The following RNLS variants were observed in gnomAD, a reference collection of about 807,000 sequenced individuals.
The protein encoded by RNLS is renalase, FAD dependent amine oxidase, also known as renalase.
Under a neutral mutation model 39.8 loss-of-function variants are expected in RNLS, and 39 were observed. The ratio of observed to expected loss-of-function variants is 0.98; its 90% CI spans 0.76 to 1.28. The LOEUF is 1.28. RNLS is among the 50% of genes most tolerant of loss of function. The pLI is 0.00. For synonymous variants in RNLS, 147 were observed against 150.7 expected, an observed-to-expected ratio of 0.98 and a Z score of 0.18; for missense variants, 410 against 413.3, an observed-to-expected ratio of 0.99 and a Z score of 0.07.
intron 6 of RNLS, among the ~76,000 whole-genome samples, chr10:88,314,020 A>C (rs1012446652): frequency 5.9e-5 from 9 of 152,208 alleles, no homozygotes; most frequent in Non-Finnish European, 1.3e-4. Context: ...AGTCAAAACC[A>C]AAGTGGAAAC....
chr10:88,515,017 T>G (rs1846335954), intron 4 of RNLS, among the ~76,000 whole-genome samples: 1 of 152,098 alleles, frequency 6.6e-6, no homozygotes, highest in Non-Finnish European at 1.5e-5. Context: ...GGTTCCAGTT[T>G]CTGCATATGT....
intron 4 of RNLS, among the ~76,000 whole-genome samples, chr10:88,549,327 G>C (rs1055944256): frequency 6.6e-6 from 1 of 152,018 alleles, no homozygotes; most frequent in Admixed American, 6.6e-5. Flanking sequence ...GGCCAAGGAA[G>C]GGGGATCACT....
At chr10:88,303,984 C>T (rs188659780) in intron 6 of RNLS, among the ~76,000 whole-genome samples, 106 of 152,340 alleles carry the variant, frequency 7.0e-4, no homozygotes, top group Non-Finnish European at 1.0e-3. Context: ...CTTGGTCCCA[C>T]CATCACAGTG....
chr10:88,539,793 C>CA (rs761622911), intron 4 of RNLS, among the ~76,000 whole-genome samples: 1 of 152,006 alleles, frequency 6.6e-6, no homozygotes, highest in Non-Finnish European at 1.5e-5. Flanking sequence ...AACATTTATA[C>CA]AAGTCAATCT....
At chr10:88,388,787 A>G (rs1432100389) in intron 4 of RNLS, among the ~76,000 whole-genome samples, 1 of 152,188 alleles carries the variant, frequency 6.6e-6, no homozygotes, top group Non-Finnish European at 1.5e-5. Flanking sequence ...ACTAGTAATC[A>G]AACTCCATTA....
intron 4 of RNLS, among the ~76,000 whole-genome samples, chr10:88,377,439 CAT>C (rs1457768131): frequency 6.6e-6 from 1 of 152,080 alleles, no homozygotes; most frequent in Admixed American, 6.6e-5. Flanking sequence ...ATGTGAATAT[CAT>C]AGAGAGTACT....
At chr10:88,553,256 G>C (rs556030514) in intron 4 of RNLS, among the ~76,000 whole-genome samples, 1 of 152,126 alleles carries the variant, frequency 6.6e-6, no homozygotes, top group Admixed American at 6.5e-5. Flanking sequence ...CAATATAAAA[G>C]AAAAATATAA....
At chr10:88,458,448 C>T (rs1288082061) in intron 4 of RNLS, among the ~76,000 whole-genome samples, 1 of 152,162 alleles carries the variant, frequency 6.6e-6, no homozygotes, top group Non-Finnish European at 1.5e-5. Flanking sequence ...ACATTCACAC[C>T]CACCCAATCT....
Position 88,573,532 on chromosome 10 carries a change from T to C in RNLS, c.368-471A>G, listed in dbSNP as rs17109077. ...CAATGAAATAAGAAGAGCAATATTC[T>C]CTATTAAAGGAATTAATATTTCCCA... On this transcript the variant is annotated intron_variant, in intron 3 of 6. Transcript: ENST00000331772. 3.8e-3 allele frequency among the ~76,000 whole-genome samples: 586 copies of C among 152,302 alleles called. 17 individuals are homozygous for C. Among genetic ancestry groups the C allele is most frequent in the Admixed American group, 0.03 (454 of 15,296 alleles).
intron 6 of RNLS, among the ~76,000 whole-genome samples, chr10:88,306,504 C>T (rs1284108383): frequency 2.0e-5 from 3 of 152,170 alleles, no homozygotes; most frequent in Non-Finnish European, 4.4e-5. Context: ...GATATTACCA[C>T]TGACCCTACA....
At chr10:88,190,030 T>C in the RNLS span, among the ~76,000 whole-genome samples, 1 of 152,210 alleles carries the variant, frequency 6.6e-6, no homozygotes, top group South Asian at 2.1e-4. Context: ...AGTGTGATCA[T>C]AGACGAGGGC....
intron 4 of RNLS, among the ~76,000 whole-genome samples, chr10:88,374,107 G>A (rs1267784985): frequency 6.6e-6 from 1 of 151,934 alleles, no homozygotes; most frequent in Non-Finnish European, 1.5e-5. Flanking sequence ...AACAATTATT[G>A]TTATTGTTGC....
intron 4 of RNLS, among the ~76,000 whole-genome samples, chr10:88,368,699 C>G (rs768458487): frequency 6.6e-6 from 1 of 151,956 alleles, no homozygotes; most frequent in Non-Finnish European, 1.5e-5. Flanking sequence ...TTTGGTTAAT[C>G]GTTTCATTAA....
At chr10:88,339,688 T>C (rs1847790716) in intron 5 of RNLS, among the ~76,000 whole-genome samples, 1 of 152,160 alleles carries the variant, frequency 6.6e-6, no homozygotes, top group African/African-American at 2.4e-5. Context: ...GATTGAGCAA[T>C]GTTGTTCTAG....
At chr10:88,580,689 T>G (rs1038807459) in intron 3 of RNLS, among the ~76,000 whole-genome samples, 3 of 152,126 alleles carry the variant, frequency 2.0e-5, no homozygotes, top group African/African-American at 7.2e-5. Context: ...AGGTTATGAA[T>G]AAGACATTCA....
chr10:88,210,555 G>T, the RNLS span, among the ~76,000 whole-genome samples: 3 of 152,126 alleles, frequency 2.0e-5, no homozygotes, highest in Non-Finnish European at 4.4e-5. Context: ...TGGGCATTTT[G>T]TCCCTCCTCT....
intron 4 of RNLS, among the ~76,000 whole-genome samples, chr10:88,418,149 G>A (rs1301109056): frequency 1.3e-5 from 2 of 149,878 alleles, no homozygotes; most frequent in East Asian, 3.9e-4. Context: ...TTGCCTCATC[G>A]AAGCTAAAGA....
chr10:88,230,959 G>A, the RNLS span, among the ~76,000 whole-genome samples: 1 of 152,226 alleles, frequency 6.6e-6, no homozygotes, highest in Non-Finnish European at 1.5e-5. Context: ...CTTCCAGGCA[G>A]TTTGATTCTT....
At chr10:88,560,182 A>T (rs956373910) in intron 4 of RNLS, among the ~76,000 whole-genome samples, 3 of 152,198 alleles carry the variant, frequency 2.0e-5, no homozygotes, top group African/African-American at 7.2e-5. Flanking sequence ...AGGGAGGTCA[A>T]TAAACAAATC....
Sources: gnomAD v4.1 joint callset for allele counts (sites outside exome capture counted in the v4.1 genomes callset) on GRCh38, gnomAD v4.1.1 for gene constraint, MANE v1.5 for transcripts, NCBI Gene and HGNC (gene_info 2026-07-23, HGNC 2026-07-21) for gene names.